Variants in SLC17A1 observed in about 807,000 individuals in gnomAD.
SLC17A1 encodes the protein sodium-dependent phosphate transport protein 1.
A neutral mutation model predicts 53.5 loss-of-function variants in SLC17A1; 51 were observed. The ratio of observed to expected loss-of-function variants is 0.95; its 90% CI spans 0.76 to 1.20. The LOEUF (loss-of-function observed/expected upper bound fraction) is 1.20. SLC17A1 is among the 50% of genes most tolerant of loss of function. The pLI, the probability that SLC17A1 is intolerant of heterozygous loss-of-function variation, is 0.00. For synonymous variants in SLC17A1, 179 were observed against 198.8 expected, an observed-to-expected ratio of 0.90 and a Z score of 0.84; for missense variants, 538 against 568.2, an observed-to-expected ratio of 0.95 and a Z score of 0.54.
the SLC17A1 span, among the ~76,000 whole-genome samples, chr6:25,727,834 A>G: frequency 6.6e-6 from 1 of 151,916 alleles, no homozygotes; most frequent in Non-Finnish European, 1.5e-5. Context: ...CTTGGCCAAC[A>G]AGGTGAAACT....
the SLC17A1 span, chr6:25,768,928 A>G: frequency 1.4e-6 from 2 of 1,476,024 alleles, no homozygotes; most frequent in Admixed American, 3.4e-5. Flanking sequence ...TTCCAGACTT[A>G]GGGAGAGTGG....
At chr6:25,737,577 T>C in the SLC17A1 span, among the ~76,000 whole-genome samples, 1 of 152,170 alleles carries the variant, frequency 6.6e-6, no homozygotes, top group Non-Finnish European at 1.5e-5. Context: ...AAATTGGCTT[T>C]ATCTGGGCAG....
chr6:25,765,945 A>G, the SLC17A1 span, among the ~76,000 whole-genome samples: 1 of 152,014 alleles, frequency 6.6e-6, no homozygotes, highest in South Asian at 2.1e-4. Flanking sequence ...ACTCAGATTA[A>G]TCAGGCAGAG....
chr6:25,824,802 A>G (rs1366935230), intron 3 of SLC17A1, among the ~76,000 whole-genome samples: 1 of 151,930 alleles, frequency 6.6e-6, no homozygotes, highest in Non-Finnish European at 1.5e-5. Flanking sequence ...GAACAGATTT[A>G]ACAAATAGAA....
the SLC17A1 span, among the ~76,000 whole-genome samples, chr6:25,723,958 G>A: frequency 6.6e-6 from 1 of 152,152 alleles, no homozygotes; most frequent in African/African-American, 2.4e-5. Flanking sequence ...CAACAGAAAT[G>A]ACAGAATAAG....
chr6:25,822,904 A>T (rs894390738), intron 3 of SLC17A1, among the ~76,000 whole-genome samples: 1 of 152,132 alleles, frequency 6.6e-6, no homozygotes, highest in Non-Finnish European at 1.5e-5. Context: ...CACAATTAAG[A>T]CAGTGAACAT....
Position 25,826,491 on chromosome 6 carries a change from G to A in SLC17A1, c.177C>T (p.Thr59=). 6.2e-7 allele frequency: 1 copy of A among 1,609,032 alleles called. No individual in the cohort carries two copies. Among genetic ancestry groups the A allele is most frequent in the Non-Finnish European group, 8.5e-7 (1 of 1,177,630 alleles). The change falls in exon 3 of 13, where the codon ACC becomes ACT. Residue 59 remains threonine, a synonymous_variant. Coordinates refer to ENST00000244527, the MANE Select transcript of SLC17A1 (RefSeq NM_005074.5). ...TATTATCCAGGAGCTTCTTTGTGGA[G>A]GTGTTGGGCAAACCATGTGGATCTG... ...NSTDPHGLPN[T]STKKLLDNIK...
the SLC17A1 span, chr6:25,761,871 G>T: frequency 1.0e-6 from 1 of 998,610 alleles, no homozygotes; most frequent in Non-Finnish European, 1.5e-6. Context: ...GAAAGAATTG[G>T]GGTAATATCA....
rs749192886 is a variant in SLC17A1 at position 25,826,634 on chromosome 6, C to A, written c.35-1G>T. 10 of 1,554,644 alleles carry A rather than the reference C, an allele frequency of 6.4e-6. No homozygotes were observed. The highest frequency in any genetic ancestry group is 4.1e-5 in the African/African-American group (3 of 72,434). On this transcript the variant is annotated splice_acceptor_variant, in intron 2 of 12. Transcript: ENST00000244527. LOFTEE classifies it high-confidence loss of function. ...TAGCGAAAGGAACAGAAACCTGGAA[C>A]TACAAAGTAAAACAGAAAGTCGCAA...
the SLC17A1 span, chr6:25,731,695 T>C: frequency 1.1e-6 from 1 of 909,982 alleles, no homozygotes; most frequent in African/African-American, 1.7e-5. Context: ...TATAATAAAA[T>C]AAACATTCTA....
chr6:25,771,957 A>T, the SLC17A1 span, among the ~76,000 whole-genome samples: 1 of 152,172 alleles, frequency 6.6e-6, no homozygotes, highest in Non-Finnish European at 1.5e-5. Context: ...TGTTACCTTT[A>T]GTTTGTTTAA....
intron 3 of SLC17A1, among the ~76,000 whole-genome samples, chr6:25,824,985 T>C (rs1293567656): frequency 1.3e-5 from 2 of 151,962 alleles, no homozygotes; most frequent in African/African-American, 2.4e-5. Flanking sequence ...TTATCTTCAT[T>C]GCTATAAACT....
chr6:25,811,607 C>G, intron 9 of SLC17A1, 31 bp downstream of exon 9: 1 of 1,613,662 alleles, frequency 6.2e-7, no homozygotes, highest in South Asian at 1.1e-5. Context: ...AAGTATCTCC[C>G]AAGTGCTTAA....
the SLC17A1 span, chr6:25,726,801 A>G: frequency 2.2e-6 from 3 of 1,354,598 alleles, no homozygotes; most frequent in Admixed American, 2.3e-5. Flanking sequence ...CGAGACTTGG[A>G]GCTGAGGTCA....
intron 10 of SLC17A1, among the ~76,000 whole-genome samples, chr6:25,809,805 C>A (rs1561833918): frequency 6.6e-6 from 1 of 151,970 alleles, no homozygotes; most frequent in Non-Finnish European, 1.5e-5. Context: ...CCCAAATAAC[C>A]AAAGTAATCT....
the SLC17A1 span, among the ~76,000 whole-genome samples, chr6:25,771,170 G>A: frequency 3.9e-5 from 6 of 152,130 alleles, no homozygotes; most frequent in African/African-American, 1.4e-4. Context: ...TCAGCAGCCC[G>A]AGTGTGTAGC....
At chr6:25,803,725 G>T (rs909730434) in intron 10 of SLC17A1, among the ~76,000 whole-genome samples, 2 of 152,066 alleles carry the variant, frequency 1.3e-5, no homozygotes, top group African/African-American at 4.8e-5. Flanking sequence ...CTGGTAGGTT[G>T]TTATGAGAAT....
chr6:25,768,911 C>T, the SLC17A1 span: 4 of 1,337,400 alleles, frequency 3.0e-6, no homozygotes, highest in Non-Finnish European at 4.3e-6. Context: ...TACCAATCTT[C>T]TCCTTCTTCC....
At chr6:25,780,755 G>T (rs1426620726), downstream of SLC17A1, 2 of 152,154 alleles carry the variant, frequency 1.3e-5, no homozygotes, top group African/African-American at 4.8e-5. Flanking sequence ...AATGGCCCCT[G>T]GCATGAGGCA....
Sources: allele counts gnomAD v4.1 joint callset (sites outside exome capture counted in the v4.1 genomes callset), GRCh38; gene constraint gnomAD v4.1.1; transcripts MANE v1.5; gene names NCBI Gene and HGNC (gene_info 2026-07-23, HGNC 2026-07-21).